DNMT3A: variants seen among roughly 807,000 people sequenced by gnomAD.
The protein encoded by DNMT3A is DNA methyltransferase 3 alpha.
DNMT3A carries 267 observed loss-of-function variants against 117.6 expected under a neutral mutation model. That is an observed-to-expected ratio of 2.27 (90% CI 2.05 to 2.51). DNMT3A has a LOEUF of 2.51. Among genes scored for constraint, DNMT3A ranks in the 30% most tolerant of loss-of-function variants. The pLI is 0.00. For synonymous variants in DNMT3A, 432 were observed against 474.8 expected (o/e 0.91, Z 1.17); for missense variants, 1,029 against 1,260.2 (o/e 0.82, Z 2.78).
In DNMT3A at chr2:25,230,776, C is replaced by T. The variant is rs1343694374; in HGVS notation, c.*3503G>A. 4 of 127,710 alleles carry T rather than the reference C, an allele frequency of 3.1e-5. No individual in the cohort carries two copies. Among genetic ancestry groups the T allele is most frequent in the South Asian group, 4.9e-4 (2 of 4,042 alleles). 7.9% of individuals were successfully genotyped at this position (127,710 alleles called of 1,614,324 possible). On this transcript the variant is annotated 3_prime_UTR_variant, in exon 23 of 23. Transcript: ENST00000321117. The stretch of plus-strand genomic sequence containing the variant: ...CGGAAGAAAAGCTGGTGATTGTTAA[C>T]TCTCGTCCCTGCAAGGGGGGGGGGG...
chr2:25,235,767 TGG>T lies in DNMT3A; in HGVS notation c.2535_2536del (p.Asp845GlufsTer9). Reference sequence around the variant, plus strand: ...CTCATTCATGAAGACAGGAAAATGCTGGTCTTTGCCCTGCTTTATGGAGTTTG... The same window carrying T: ...CTCATTCATGAAGACAGGAAAATGCTTCTTTGCCCTGCTTTATGGAGTTTG... On this transcript the variant is annotated frameshift_variant, in exon 22 of 23. Transcript: ENST00000321117. LOFTEE classifies it high-confidence loss of function. 6.2e-7 allele frequency: 1 copy of T among 1,614,114 alleles called. No individual in the cohort carries two copies. The highest frequency in any genetic ancestry group is 8.5e-7 in the Non-Finnish European group (1 of 1,180,048).
intron 6 of DNMT3A, among the ~76,000 whole-genome samples, chr2:25,266,861 G>A (rs984726226): frequency 2.0e-5 from 3 of 152,186 alleles, no homozygotes; most frequent in Admixed American, 2.0e-4. Context: ...GGGCAGTTTG[G>A]CAGATGTCAT....
rs981191855 is a variant in DNMT3A, at chr2:25,232,032, G to C, written c.*2247C>G. The C allele has an allele frequency of 6.6e-6, 1 of 152,166 alleles. No homozygotes were observed. Among genetic ancestry groups the C allele is most frequent in the African/African-American group, 2.4e-5 (1 of 41,392 alleles). 9.4% of individuals were successfully genotyped at this position (152,166 alleles called of 1,614,324 possible). A position where few individuals can be genotyped will look rare whatever the true frequency, so the allele number is the denominator to read the frequency against. On this transcript the variant is annotated 3_prime_UTR_variant, in exon 23 of 23. Transcript: ENST00000321117. The surrounding 1 kb of genome is among the most constrained non-coding windows in gnomAD (Gnocchi z 4.1). ...CGTGTGAGATTGACTGATTGGTGTG[G>C]GGTTTAGGTCTGCAGTGGGGACCGA...
rs150400657 is a variant in DNMT3A, at chr2:25,278,042, C to CACACACACACACACACAAACAG, written c.449-2500_449-2499insCTGTTTGTGTGTGTGTGTGTGT. ...ACACACACACACACACACACACAGA[C>CACACACACACACACACAAACAG]ACACACGCTTTCCAGCCTGGCCGGG... is the stretch of plus-strand genomic sequence containing the variant. On this transcript the variant is annotated intron_variant, in intron 4 of 22. Coordinates refer to ENST00000321117, the MANE Select transcript of DNMT3A (RefSeq NM_022552.5). 5.1e-3 allele frequency among the ~76,000 whole-genome samples: 751 copies of CACACACACACACACACAAACAG among 146,368 alleles called. 7 individuals are homozygous for CACACACACACACACACAAACAG. The highest frequency in any genetic ancestry group is 7.7e-3 in the Non-Finnish European group (513 of 66,862).
At chr2:25,335,486 C>T (rs2035177037) in intron 1 of DNMT3A, among the ~76,000 whole-genome samples, 1 of 152,182 alleles carries the variant, frequency 6.6e-6, no homozygotes, top group Admixed American at 6.5e-5. Flanking sequence ...CAGGACACAG[C>T]CCACACTCAA....
In DNMT3A at chr2:25,229,884, G is replaced by C. The variant is rs1331649989; in HGVS notation, c.*4395C>G. ...CTGAAATATTCCTTCTACTGCTGGA[G>C]AAGGTGGGTGTTCCCATCTAGGCTT... is the stretch of plus-strand genomic sequence containing the variant. On this transcript the variant is annotated 3_prime_UTR_variant, in exon 23 of 23. Coordinates refer to ENST00000321117, the MANE Select transcript of DNMT3A (RefSeq NM_022552.5). 6.6e-6 allele frequency: 1 copy of C among 152,254 alleles called. No individual in the cohort carries two copies. Among genetic ancestry groups the C allele is most frequent in the East Asian group, 1.9e-4 (1 of 5,194 alleles). 9.4% of individuals were successfully genotyped at this position (152,254 alleles called of 1,614,324 possible). A position where few individuals can be genotyped will look rare whatever the true frequency, so the allele number is the denominator to read the frequency against.
chr2:25,258,876 A>AG (rs1398724406), intron 6 of DNMT3A, among the ~76,000 whole-genome samples: 2 of 152,122 alleles, frequency 1.3e-5, no homozygotes, highest in African/African-American at 2.4e-5. Flanking sequence ...TCTGTTAGGG[A>AG]GGGGGAGTGG....
chr2:25,308,250 T>G (rs2033889641), intron 2 of DNMT3A, among the ~76,000 whole-genome samples: 1 of 152,166 alleles, frequency 6.6e-6, no homozygotes, highest in Admixed American at 6.5e-5. Context: ...TAACATATGC[T>G]ATGTCCTGGT....
intron 6 of DNMT3A, among the ~76,000 whole-genome samples, chr2:25,272,574 G>A (rs962227059): frequency 1.3e-5 from 2 of 152,174 alleles, no homozygotes; most frequent in African/African-American, 4.8e-5. Context: ...TTTCTGGGTT[G>A]CGGGGAACCC....
intron 12 of DNMT3A, among the ~76,000 whole-genome samples, chr2:25,245,703 C>T (rs1049750658): frequency 5.3e-5 from 8 of 152,190 alleles, no homozygotes; most frequent in African/African-American, 1.9e-4. Flanking sequence ...AGGCTGAGGG[C>T]GACAGCCCCA....
rs1675955025 is a variant in DNMT3A, at chr2:25,254,571, TC to T, written c.640-6320del. ...TTGCCTGGTACACATTTCCAGGGGC[TC>T]CCCAAGCAGAAGTGAGAAGCCCAGA... On this transcript the variant is annotated intron_variant, in intron 6 of 22. Transcript: ENST00000321117. The surrounding 1 kb of genome is among the most constrained non-coding windows in gnomAD (Gnocchi z 4.7). Among the ~76,000 whole-genome samples, 1 of 152,016 alleles carries T rather than the reference TC, an allele frequency of 6.6e-6. No individual in the cohort carries two copies. Among genetic ancestry groups the T allele is most frequent in the Non-Finnish European group, 1.5e-5 (1 of 68,012 alleles).
chr2:25,246,673 CA>C lies in DNMT3A; in HGVS notation c.1225del (p.Trp409GlyfsTer242). On this transcript the variant is annotated frameshift_variant, in exon 10 of 23. Transcript: ENST00000321117. LOFTEE classifies it high-confidence loss of function. ...VEVQNKPMIE[W>X]ALGGFQPSGP... is the part of the protein sequence containing the mutation. The stretch of plus-strand genomic sequence containing the variant: ...AGAAGGCTGGAAGCCCCCCAGGGCC[CA>C]TTCAATCATGGGCTTGTTCTGCACC... 2 of 1,613,714 alleles carry C rather than the reference CA, an allele frequency of 1.2e-6. No individual in the cohort carries two copies. Among genetic ancestry groups the C allele is most frequent in the Non-Finnish European group, 1.7e-6 (2 of 1,180,010 alleles).
At chr2:25,324,820 C>T (rs1287685484) in intron 1 of DNMT3A, among the ~76,000 whole-genome samples, 2 of 152,308 alleles carry the variant, frequency 1.3e-5, no homozygotes, top group South Asian at 2.1e-4. Flanking sequence ...CATTCCATTG[C>T]CCTGACTTTC....
At chr2:25,322,878 G>A (rs758096720) in intron 1 of DNMT3A, among the ~76,000 whole-genome samples, 34 of 151,954 alleles carry the variant, frequency 2.2e-4, no homozygotes, top group Non-Finnish European at 4.3e-4. Flanking sequence ...CTCACCCTAA[G>A]GGCCCCTTCT....
chr2:25,300,761 ATAT>A (rs2033462372), intron 2 of DNMT3A, among the ~76,000 whole-genome samples: 2 of 72,244 alleles, frequency 2.8e-5, no homozygotes, highest in Non-Finnish European at 2.5e-5. Context: ...ATATATATAT[ATAT>A]ATATAAATAA....
chr2:25,318,459 G>A (rs1158456847), intron 1 of DNMT3A, among the ~76,000 whole-genome samples: 2 of 151,332 alleles, frequency 1.3e-5, no homozygotes, highest in African/African-American at 2.4e-5. Flanking sequence ...GCTAATTCTT[G>A]TATTTTTAGT....
chr2:25,300,402 C>T (rs905530984), intron 2 of DNMT3A, among the ~76,000 whole-genome samples, 159 bp from the exon 3 acceptor site: 5 of 151,288 alleles, frequency 3.3e-5, no homozygotes, highest in African/African-American at 1.2e-4. Flanking sequence ...CCACCAACTC[C>T]CCTCCTGCCT....
At chr2:25,302,128 G>A (rs1207109188) in intron 2 of DNMT3A, among the ~76,000 whole-genome samples, 7 of 152,122 alleles carry the variant, frequency 4.6e-5, no homozygotes, top group Admixed American at 3.9e-4. Context: ...GTGAACAGAG[G>A]TGCCCGGTCT....
In DNMT3A at chr2:25,237,026, T is replaced by C; in HGVS notation, c.2409-21A>G. 1 of 1,612,728 alleles carries C rather than the reference T, an allele frequency of 6.2e-7. No homozygotes were observed. The highest frequency in any genetic ancestry group is 8.5e-7 in the Non-Finnish European group (1 of 1,179,612). On this transcript the variant is annotated intron_variant, in intron 20 of 22. Transcript: ENST00000321117. This position sits in a 1 kb window ranked among gnomAD's most constrained non-coding sequence, Gnocchi z 5.4. ...ACGGCCTAGGAGGCAGAAGAGAGACTGTAACAACAGAAACCTGGATAACAG... is the reference window on the plus strand; with the variant it reads ...ACGGCCTAGGAGGCAGAAGAGAGACCGTAACAACAGAAACCTGGATAACAG...
Sources: allele counts gnomAD v4.1 joint callset (sites outside exome capture counted in the v4.1 genomes callset), GRCh38; gene constraint gnomAD v4.1.1; non-coding constraint Gnocchi (gnomAD v3.1); transcripts MANE v1.5; gene names NCBI Gene and HGNC (gene_info 2026-07-23, HGNC 2026-07-21).